The following WAC variants were observed in gnomAD, a reference collection of about 807,000 sequenced individuals.
The protein encoded by WAC is WW domain-containing adapter protein with coiled-coil.
In WAC, 11 loss-of-function variants were observed where a neutral mutation model predicts 79.6. That is an observed-to-expected ratio of 0.14 (90% CI 0.09 to 0.23). The LOEUF (loss-of-function observed/expected upper bound fraction) is 0.23, where lower values mean the gene tolerates loss of function less well. Among genes scored for constraint, WAC ranks in the 10% least tolerant of loss-of-function variants. WAC has a pLI of 1.00. For missense variants in WAC, 728 were observed against 773.5 expected (o/e 0.94, Z 0.70); for synonymous variants, 304 against 276.9 (o/e 1.10, Z -0.97).
intron 3 of WAC, among the ~76,000 whole-genome samples, chr10:28,575,402 A>G (rs1839191247): frequency 6.6e-6 from 1 of 152,230 alleles, no homozygotes; most frequent in Non-Finnish European, 1.5e-5. Context: ...AGGAACTACC[A>G]GACTGTTTGC....
chr10:28,616,125 C>A, intron 11 of WAC, 48 bp from the exon 12 acceptor site: 2 of 1,427,582 alleles, frequency 1.4e-6, no homozygotes, highest in South Asian at 1.5e-5. Flanking sequence ...GATAAGGATA[C>A]CCAGAAACTA....
At chr10:28,548,658 G>C (rs1226058252) in intron 3 of WAC, among the ~76,000 whole-genome samples, 1 of 152,028 alleles carries the variant, frequency 6.6e-6, no homozygotes, top group African/African-American at 2.4e-5. Flanking sequence ...ATGTTTTTCT[G>C]GTTGAGTTTG....
rs923309820 is a variant in WAC, at chr10:28,583,319, T to C, written c.275-80T>C. 8.0e-6 allele frequency: 8 copies of C among 998,732 alleles called. No individual in the cohort carries two copies. The South Asian group carries it at 9.3e-5, about 12-fold the overall frequency. 61.9% of individuals were successfully genotyped at this position (998,732 alleles called of 1,614,324 possible). A position where few individuals can be genotyped will look rare whatever the true frequency, so the allele number is the denominator to read the frequency against. Reference sequence around the variant, plus strand: ...GTTCGTTTAGAGATATAAAATAATATCTAGTATGATAGAAAACAGTTTAGA... The same window carrying C: ...GTTCGTTTAGAGATATAAAATAATACCTAGTATGATAGAAAACAGTTTAGA... On this transcript the variant is annotated intron_variant, in intron 3 of 13. Coordinates refer to ENST00000354911, the MANE Select transcript of WAC (RefSeq NM_016628.5).
At chr10:28,594,812 AT>A (rs1840269950) in intron 6 of WAC, among the ~76,000 whole-genome samples, 1 of 152,146 alleles carries the variant, frequency 6.6e-6, no homozygotes, top group African/African-American at 2.4e-5. Context: ...GGTTATTTTA[AT>A]TCTTTAGTTA....
chr10:28,582,563 T>C (rs1839593113), intron 3 of WAC, among the ~76,000 whole-genome samples: 1 of 152,228 alleles, frequency 6.6e-6, no homozygotes. Flanking sequence ...ATGCCACTCC[T>C]AGATCACTTA....
At chr10:28,597,454 CT>C (rs1289723912) in intron 7 of WAC, among the ~76,000 whole-genome samples, 2 of 152,138 alleles carry the variant, frequency 1.3e-5, no homozygotes, top group Admixed American at 6.5e-5. Flanking sequence ...ACATTTAACA[CT>C]TTTTAACTCC....
At chr10:28,540,571 A>G (rs1836954673) in intron 3 of WAC, among the ~76,000 whole-genome samples, 2 of 152,354 alleles carry the variant, frequency 1.3e-5, no homozygotes, top group Non-Finnish European at 2.9e-5. Flanking sequence ...CACTAGGAAA[A>G]GTCCATTTTC....
intron 3 of WAC, among the ~76,000 whole-genome samples, chr10:28,537,049 T>C (rs1397291680): frequency 2.6e-5 from 4 of 152,242 alleles, no homozygotes; most frequent in Non-Finnish European, 4.4e-5. Flanking sequence ...CTGAGAAACA[T>C]TGGCTTCCTC....
At chr10:28,560,180 A>G (rs1481302192) in intron 3 of WAC, among the ~76,000 whole-genome samples, 1 of 152,112 alleles carries the variant, frequency 6.6e-6, no homozygotes, top group East Asian at 1.9e-4. Flanking sequence ...TGTTTCTGCA[A>G]AAAATAAAAT....
At chr10:28,595,247 A>G (rs1840298608) in intron 6 of WAC, among the ~76,000 whole-genome samples, 1 of 152,334 alleles carries the variant, frequency 6.6e-6, no homozygotes, top group Non-Finnish European at 1.5e-5. Flanking sequence ...ATTGTAGCTT[A>G]GTATTCAGAA....
rs772566327 is a variant in WAC at position 28,535,800 on chromosome 10, A to G, written c.274+43A>G. 6 of 1,525,788 alleles carry G rather than the reference A, an allele frequency of 3.9e-6. No homozygotes were observed. The Admixed American group carries it at 5.7e-5, about 14-fold the overall frequency. The allele number at this position is 1,525,788 out of a possible 1,614,324, so 94.5% of individuals were successfully genotyped here. A position where few individuals can be genotyped will look rare whatever the true frequency, so the allele number is the denominator to read the frequency against. On this transcript the variant is annotated intron_variant, in intron 3 of 13. Coordinates refer to ENST00000354911, the MANE Select transcript of WAC (RefSeq NM_016628.5). Reference sequence around the variant, plus strand: ...TGAAACTTTGACATACAGTTTTAACAATAGCTCTATATAAAAGGCGGCAGT... The same window carrying G: ...TGAAACTTTGACATACAGTTTTAACGATAGCTCTATATAAAAGGCGGCAGT...
intron 6 of WAC, among the ~76,000 whole-genome samples, chr10:28,593,628 C>T (rs995746075): frequency 3.3e-5 from 5 of 151,008 alleles, no homozygotes; most frequent in African/African-American, 7.3e-5. Context: ...ATAAGCTGGG[C>T]GTGGTGGTGC....
intron 3 of WAC, among the ~76,000 whole-genome samples, chr10:28,577,984 G>A (rs1753084582): frequency 6.6e-6 from 1 of 152,058 alleles, no homozygotes; most frequent in South Asian, 2.1e-4. Flanking sequence ...CCAACAAAGT[G>A]AACGTCTCTA....
intron 2 of WAC, among the ~76,000 whole-genome samples, chr10:28,534,864 G>C (rs1836543045): frequency 6.6e-6 from 1 of 152,206 alleles, no homozygotes. Context: ...AAACTTTACT[G>C]AATCTGTCCT....
At chr10:28,540,591 C>T (rs970751067) in intron 3 of WAC, among the ~76,000 whole-genome samples, 6 of 152,146 alleles carry the variant, frequency 3.9e-5, no homozygotes, top group Non-Finnish European at 1.5e-5. Flanking sequence ...CTCTTAATCC[C>T]TCATATTTAA....
In WAC at chr10:28,608,305, C is replaced by T. The variant is rs200271859; in HGVS notation, c.1039C>T (p.Pro347Ser). The T allele has an allele frequency of 1.2e-6, 2 of 1,614,198 alleles. No individual in the cohort carries two copies. The highest frequency in any genetic ancestry group is 2.2e-5 in the East Asian group (1 of 44,882). ...PTSASAVPVS[P>S]VPQSPIPPLL... ...ATCTGCTTCAGCGGTCCCTGTTTCT[C>T]CTGTTCCACAGTCGCCAATACCTCC... The change falls in exon 8 of 14, where the codon CCT becomes TCT. Residue 347 changes from proline to serine, a missense_variant. Pro to Ser is a moderately conservative substitution (Grantham distance 74). Coordinates refer to ENST00000354911, the MANE Select transcript of WAC (RefSeq NM_016628.5).
chr10:28,622,386 A>G lies in WAC; in HGVS notation c.*2780A>G, dbSNP rs993080863. On this transcript the variant is annotated 3_prime_UTR_variant, in exon 14 of 14. Coordinates refer to ENST00000354911, the MANE Select transcript of WAC (RefSeq NM_016628.5). ...GATACTTTGAAAATAGAAGTACTGAATAGCCTCTAGGGAACTTGAGTGGCC... is the reference window on the plus strand; with the variant it reads ...GATACTTTGAAAATAGAAGTACTGAGTAGCCTCTAGGGAACTTGAGTGGCC... 2 of 129,694 alleles carry G rather than the reference A, an allele frequency of 1.5e-5. No individual in the cohort carries two copies. The highest frequency in any genetic ancestry group is 5.8e-5 in the African/African-American group (2 of 34,642). 8.0% of individuals were successfully genotyped at this position (129,694 alleles called of 1,614,324 possible).
At position 28,609,608 on chromosome 10, in the gene WAC, G is replaced by C. The variant is rs570293991; in HGVS notation, c.1166-1091G>C. Among the ~76,000 whole-genome samples, 52 of 152,274 alleles carry C rather than the reference G, an allele frequency of 3.4e-4. No individual in the cohort carries two copies. In the East Asian group the frequency reaches 6.6e-3, roughly 19 times the overall value. ...TGGGGCTTTTAGATAGTTTGAGGAG[G>C]CCAGATGCAGTGGCTCATGCCTGTA... On this transcript the variant is annotated intron_variant, in intron 8 of 13. Transcript: ENST00000354911.
At chr10:28,551,223 A>G (rs1445985553) in intron 3 of WAC, among the ~76,000 whole-genome samples, 3 of 152,116 alleles carry the variant, frequency 2.0e-5, no homozygotes, top group Admixed American at 6.6e-5. Flanking sequence ...TTAGTGTTCT[A>G]TTTCCTGCAT....
Sources: allele counts gnomAD v4.1 joint callset (sites outside exome capture counted in the v4.1 genomes callset), GRCh38; gene constraint gnomAD v4.1.1; transcripts MANE v1.5; gene names NCBI Gene and HGNC (gene_info 2026-07-23, HGNC 2026-07-21).